The following LYZL1 variants were observed in gnomAD, a reference collection of about 807,000 sequenced individuals.
LYZL1 encodes lysozyme-like protein 1.
A neutral mutation model predicts 17.9 loss-of-function variants in LYZL1; 16 were observed. The observed-to-expected ratio is 0.90, with a 90% confidence interval of 0.61 to 1.36. The LOEUF is 1.36. Ranked by LOEUF, LYZL1 falls within the 40% of genes most tolerant of loss-of-function variation. The pLI, the probability that LYZL1 is intolerant of heterozygous loss-of-function variation, is 0.00. For missense variants in LYZL1, 149 were observed against 188.4 expected, an observed-to-expected ratio of 0.79 and a Z score of 1.22; for synonymous variants, 58 against 71.8, an observed-to-expected ratio of 0.81 and a Z score of 0.97.
exon 5 of LYZL1, chr10:29,318,276 A>C: frequency 1.4e-6 from 1 of 729,200 alleles, no homozygotes. Flanking sequence ...AACGAAATCT[A>C]TACTTGCCTT....
At position 29,292,135 on chromosome 10, in the gene LYZL1, G is replaced by T. The variant is rs1436517924; in HGVS notation, c.139+129G>T. The T allele has an allele frequency of 1.3e-5, 18 of 1,340,964 alleles. No individual in the cohort carries two copies. In the African/African-American group the frequency reaches 2.1e-4, roughly 16 times the overall value. The allele number at this position is 1,340,964 out of a possible 1,614,324, so 83.1% of individuals were successfully genotyped here. ...TCTGCCCTCACCGCACTCAGGGGTG[G>T]CTGCTAGCCTAACTGTGGCTCTCTG... On this transcript the variant is annotated intron_variant, in intron 2 of 4. Coordinates refer to ENST00000649382, the MANE Select transcript of LYZL1 (RefSeq NM_032517.6).
chr10:29,316,007 A>C (rs1319529810), downstream of LYZL1, among the ~76,000 whole-genome samples: 1 of 152,176 alleles, frequency 6.6e-6, no homozygotes, highest in Non-Finnish European at 1.5e-5. Flanking sequence ...GAGGACAGAC[A>C]TCGCCATCCC....
At chr10:29,298,227 T>C (rs1835471076) in intron 3 of LYZL1, among the ~76,000 whole-genome samples, 1 of 152,020 alleles carries the variant, frequency 6.6e-6, no homozygotes, top group Admixed American at 6.6e-5. Flanking sequence ...CCTTGCCCAA[T>C]GAGGAATGGA....
At chr10:29,302,426 G>A (rs1835532328) in intron 3 of LYZL1, among the ~76,000 whole-genome samples, 1 of 152,218 alleles carries the variant, frequency 6.6e-6, no homozygotes, top group Non-Finnish European at 1.5e-5. Context: ...CACGAGGGAT[G>A]CTCCCTTTAA....
At chr10:29,307,541 T>G (rs1024538661) in intron 3 of LYZL1, among the ~76,000 whole-genome samples, 1 of 152,254 alleles carries the variant, frequency 6.6e-6, no homozygotes, top group African/African-American at 2.4e-5. Flanking sequence ...AATTGTCACA[T>G]GTTGCTAATG....
At chr10:29,294,500 A>G (rs1293683348) in intron 3 of LYZL1, among the ~76,000 whole-genome samples, 4 of 152,218 alleles carry the variant, frequency 2.6e-5, no homozygotes, top group African/African-American at 4.8e-5. Context: ...AGTCAAAGGC[A>G]TTTTCTCTGT....
downstream of LYZL1, among the ~76,000 whole-genome samples, chr10:29,313,834 G>A (rs1421615851): frequency 1.3e-5 from 2 of 152,104 alleles, no homozygotes; most frequent in Non-Finnish European, 2.9e-5. Context: ...ACTCCTCGTG[G>A]CCACATTATC....
intron 4 of LYZL1, 52 bp downstream of exon 4, chr10:29,310,240 G>A (rs1378467012): frequency 1.5e-6 from 2 of 1,354,632 alleles, no homozygotes; most frequent in South Asian, 2.4e-5. Flanking sequence ...AACCTAGTGT[G>A]TGTATTTATC....
At chr10:29,311,513 A>T (rs1835672425), downstream of LYZL1, among the ~76,000 whole-genome samples, 1 of 151,924 alleles carries the variant, frequency 6.6e-6, no homozygotes, top group South Asian at 2.1e-4. Flanking sequence ...ATGCATGCCC[A>T]CCCACAAGCC....
At chr10:29,312,986 C>G (rs57160073), downstream of LYZL1, among the ~76,000 whole-genome samples, 7,396 of 152,232 alleles carry the variant, frequency 0.049, 197 homozygotes, top group Middle Eastern at 0.12. Context: ...ACTGTGACAG[C>G]GCCTAAATAA....
At chr10:29,296,709 G>T (rs1835450619) in intron 3 of LYZL1, among the ~76,000 whole-genome samples, 1 of 152,168 alleles carries the variant, frequency 6.6e-6, no homozygotes, top group African/African-American at 2.4e-5. Flanking sequence ...CTCTCCAGAT[G>T]AGAAGATTTT....
At chr10:29,317,984 A>T (rs1835750478) in intron 4 of LYZL1, among the ~76,000 whole-genome samples, 1 of 151,816 alleles carries the variant, frequency 6.6e-6, no homozygotes, top group Admixed American at 6.6e-5. Flanking sequence ...CTATTTCTGC[A>T]TTTTTCTTTG....
At chr10:29,309,042 C>T (rs1393353062) in intron 3 of LYZL1, among the ~76,000 whole-genome samples, 1 of 151,634 alleles carries the variant, frequency 6.6e-6, no homozygotes, top group Non-Finnish European at 1.5e-5. Flanking sequence ...ATGAAAAACA[C>T]CCTAGACTGG....
downstream of LYZL1, among the ~76,000 whole-genome samples, chr10:29,315,328 G>A (rs1346136018): frequency 6.6e-6 from 1 of 152,004 alleles, no homozygotes; most frequent in Non-Finnish European, 1.5e-5. Context: ...TGCCCAACAT[G>A]GTGAAACCCC....
At chr10:29,309,316 G>A (rs1406657460) in intron 3 of LYZL1, among the ~76,000 whole-genome samples, 1 of 152,032 alleles carries the variant, frequency 6.6e-6, no homozygotes, top group Non-Finnish European at 1.5e-5. Flanking sequence ...GTGACAGAAT[G>A]AGATTCTGTC....
intron 3 of LYZL1, among the ~76,000 whole-genome samples, chr10:29,309,498 T>C (rs1389720328): frequency 6.6e-6 from 1 of 151,666 alleles, no homozygotes; most frequent in Admixed American, 6.6e-5. Flanking sequence ...CTGTCTTATG[T>C]GCCATTTTTT....
In LYZL1 at chr10:29,289,231, G is replaced by A; in HGVS notation, c.-26+1G>A. ...CAGGCACCAGGAATCTGCCTTTTCA[G>A]TAAGACCTAAATTACTCTTATGAGA... On this transcript the variant is annotated splice_donor_variant, in intron 1 of 4. Transcript: ENST00000649382. LOFTEE classifies it low-confidence loss of function (5UTR_SPLICE). 2 of 1,391,612 alleles carry A rather than the reference G, an allele frequency of 1.4e-6. No homozygotes were observed. The highest frequency in any genetic ancestry group is 1.9e-6 in the Non-Finnish European group (2 of 1,068,750). 86.2% of individuals were successfully genotyped at this position (1,391,612 alleles called of 1,614,324 possible). A position where few individuals can be genotyped will look rare whatever the true frequency, so the allele number is the denominator to read the frequency against.
intron 1 of LYZL1, among the ~76,000 whole-genome samples, chr10:29,289,947 A>G (rs1255098252): frequency 6.6e-6 from 1 of 152,186 alleles, no homozygotes; most frequent in Non-Finnish European, 1.5e-5. Flanking sequence ...AACTTTACAT[A>G]CAAAAGCGGG....
At chr10:29,305,588 A>T (rs1416092617) in intron 3 of LYZL1, among the ~76,000 whole-genome samples, 1 of 152,228 alleles carries the variant, frequency 6.6e-6, no homozygotes, top group Non-Finnish European at 1.5e-5. Context: ...AATAGCTATT[A>T]TTATCTGAAA....
Sources: allele counts gnomAD v4.1 joint callset (sites outside exome capture counted in the v4.1 genomes callset), GRCh38; gene constraint gnomAD v4.1.1; transcripts MANE v1.5; gene names NCBI Gene and HGNC (gene_info 2026-07-23, HGNC 2026-07-21).